DPP6: variants seen among roughly 807,000 people sequenced by gnomAD.
DPP6 encodes the protein A-type potassium channel modulatory protein DPP6.
DPP6 carries 69 observed loss-of-function variants against 122.6 expected under a neutral mutation model. The ratio of observed to expected loss-of-function variants is 0.56; its 90% CI spans 0.46 to 0.69. The LOEUF (loss-of-function observed/expected upper bound fraction) is 0.69. Ranked by LOEUF, DPP6 falls within the 30% of genes least tolerant of loss-of-function variation. The pLI, the probability that DPP6 is intolerant of heterozygous loss-of-function variation, is 0.00. For missense variants in DPP6, 928 were observed against 1,116.9 expected, an observed-to-expected ratio of 0.83 and a Z score of 2.41; for synonymous variants, 418 against 433.1, an observed-to-expected ratio of 0.97 and a Z score of 0.43.
intron 1 of DPP6, among the ~76,000 whole-genome samples, chr7:154,076,398 C>G: frequency 6.6e-6 from 1 of 151,460 alleles, no homozygotes; most frequent in East Asian, 1.9e-4. Flanking sequence ...TGCAGTGAGC[C>G]GAGATTGTGG....
chr7:154,788,745 G>T (rs780298054), intron 10 of DPP6, among the ~76,000 whole-genome samples: 8 of 152,148 alleles, frequency 5.3e-5, no homozygotes, highest in Non-Finnish European at 1.2e-4. Flanking sequence ...CTACACAGAA[G>T]TTTCGTCCTC....
chr7:154,600,424 C>T (rs143071626), intron 5 of DPP6, among the ~76,000 whole-genome samples: 4,221 of 120,602 alleles, frequency 0.035, 1,277 homozygotes, highest in Non-Finnish European at 0.06. Context: ...CCACCATGCC[C>T]GGCCCTTTTA....
At chr7:154,563,473 A>T (rs2130500127) in intron 4 of DPP6, among the ~76,000 whole-genome samples, 1 of 152,358 alleles carries the variant, frequency 6.6e-6, no homozygotes, top group East Asian at 1.9e-4. Context: ...CGCCTGGGAA[A>T]GCAGGTAGAA....
intron 1 of DPP6, among the ~76,000 whole-genome samples, chr7:154,200,700 A>C (rs1373206980): frequency 6.6e-6 from 1 of 152,128 alleles, no homozygotes; most frequent in Non-Finnish European, 1.5e-5. Flanking sequence ...TTTTCTCTTG[A>C]GTTTTCTTTG....
chr7:154,745,948 G>A (rs1354114179), intron 8 of DPP6, among the ~76,000 whole-genome samples: 2 of 152,100 alleles, frequency 1.3e-5, no homozygotes, highest in African/African-American at 2.4e-5. Flanking sequence ...ATTTCAACAC[G>A]AAGTTTGGAG....
At chr7:154,826,959 G>A (rs1001205508) in intron 16 of DPP6, among the ~76,000 whole-genome samples, 2 of 152,166 alleles carry the variant, frequency 1.3e-5, no homozygotes, top group East Asian at 1.9e-4. Flanking sequence ...TTCATAGTTT[G>A]TAGCTGTAAG....
rs185902951 is a variant in DPP6 at position 154,029,547 on chromosome 7, C to A, written c.51+141813C>A. On this transcript the variant is annotated intron_variant, in intron 1 of 25. Transcript: ENST00000404039. ...AAAAAAGAAAGAAATTGCCTTATGT[C>A]AAAAATTAGCAATTTTATGCTGGGC... Among the ~76,000 whole-genome samples, 690 of 146,246 alleles carry A rather than the reference C, an allele frequency of 4.7e-3. 6 individuals carry two copies. The highest frequency in any genetic ancestry group is 0.013 in the Middle Eastern group (3 of 236).
At chr7:153,916,677 G>A (rs551046046) in intron 1 of DPP6, among the ~76,000 whole-genome samples, 177 of 152,118 alleles carry the variant, frequency 1.2e-3, no homozygotes, top group African/African-American at 3.9e-3. Flanking sequence ...AAAGTGCTGG[G>A]ATTACAAGCG....
At chr7:154,632,632 G>T (rs1236108004) in intron 5 of DPP6, among the ~76,000 whole-genome samples, 1 of 152,114 alleles carries the variant, frequency 6.6e-6, no homozygotes, top group East Asian at 1.9e-4. Flanking sequence ...TGATATATTG[G>T]TCTGTAGCTG....
chr7:153,853,370 T>A, the DPP6 span, among the ~76,000 whole-genome samples: 17 of 152,310 alleles, frequency 1.1e-4, 1 homozygote, highest in Admixed American at 9.8e-4. Flanking sequence ...TAAACTGTAT[T>A]TATTTATGTC....
Position 154,660,326 on chromosome 7 carries a change from G to A in DPP6, c.681-9034G>A, listed in dbSNP as rs78036658. Among the ~76,000 whole-genome samples the A allele has an allele frequency of 1.7e-3, 93 of 53,940 alleles. 14 individuals carry two copies. The highest frequency in any genetic ancestry group is 3.0e-3 in the African/African-American group (61 of 20,282). 35.4% of individuals were successfully genotyped at this position (53,940 alleles called of 152,430 possible). On this transcript the variant is annotated intron_variant, in intron 6 of 25. Transcript: ENST00000377770. ...ATGGCGTATTGGCCGTAGTGTTCAC[G>A]CAGTCATGGTGAATCACCATGGCGT... is the stretch of plus-strand genomic sequence containing the variant.
intron 6 of DPP6, among the ~76,000 whole-genome samples, chr7:154,638,724 G>C (rs1471877997): frequency 6.6e-6 from 1 of 152,206 alleles, no homozygotes; most frequent in Non-Finnish European, 1.5e-5. Flanking sequence ...TGTTGAGTCA[G>C]ACACAGATGA....
chr7:154,631,435 T>G (rs1032648783), intron 5 of DPP6, among the ~76,000 whole-genome samples: 4 of 151,908 alleles, frequency 2.6e-5, no homozygotes, highest in Non-Finnish European at 4.4e-5. Context: ...AGGAGTATAT[T>G]GCAGTGGGTT....
intron 3 of DPP6, among the ~76,000 whole-genome samples, chr7:154,488,459 A>C (rs1317916292): frequency 4.6e-5 from 7 of 152,026 alleles, no homozygotes; most frequent in African/African-American, 1.4e-4. Context: ...TCTCAAAAAA[A>C]AAAAGAAAGC....
At chr7:153,806,433 G>T in the DPP6 span, among the ~76,000 whole-genome samples, 1 of 151,316 alleles carries the variant, frequency 6.6e-6, no homozygotes, top group Admixed American at 6.6e-5. Flanking sequence ...GCCTTCTCTG[G>T]GTCAGTCCCT....
At chr7:153,846,251 C>A in the DPP6 span, among the ~76,000 whole-genome samples, 1 of 152,174 alleles carries the variant, frequency 6.6e-6, no homozygotes, top group Admixed American at 6.5e-5. Context: ...GTACTACTGG[C>A]TTTTCAAATT....
intron 1 of DPP6, among the ~76,000 whole-genome samples, chr7:154,313,697 A>ATATATATATATATATATAT (rs1807125364): frequency 3.9e-5 from 1 of 25,342 alleles, no homozygotes; most frequent in Non-Finnish European, 7.0e-5. Context: ...ATATATATAT[A>ATATATATATATATATATAT]TATATATATA....
Position 154,601,518 on chromosome 7 carries a change from T to C in DPP6, c.627+34602T>C, listed in dbSNP as rs1322553487. On this transcript the variant is annotated intron_variant, in intron 5 of 25. Coordinates refer to ENST00000377770, the MANE Select transcript of DPP6 (RefSeq NM_130797.4). ...TGTGTTCTTCAGTCCATTTGTTTGA[T>C]AATAAACCATTGCAGCTTTCTTTTG... is the stretch of plus-strand genomic sequence containing the variant. 4.1e-5 allele frequency among the ~76,000 whole-genome samples: 5 copies of C among 121,186 alleles called. 2 individuals are homozygous for C. Among genetic ancestry groups the C allele is most frequent in the African/African-American group, 1.3e-4 (5 of 38,060 alleles). The allele number at this position is 121,186 out of a possible 152,430, so 79.5% of individuals were successfully genotyped here. A position where few individuals can be genotyped will look rare whatever the true frequency, so the allele number is the denominator to read the frequency against.
upstream of DPP6, among the ~76,000 whole-genome samples, chr7:153,883,828 T>G (rs1394415089): frequency 1.3e-5 from 2 of 152,176 alleles, no homozygotes; most frequent in Non-Finnish European, 2.9e-5. Flanking sequence ...GTGCAGTGTT[T>G]CCTTTTATGC....
Sources: allele counts gnomAD v4.1 joint callset (sites outside exome capture counted in the v4.1 genomes callset), GRCh38; gene constraint gnomAD v4.1.1; transcripts MANE v1.5; gene names NCBI Gene and HGNC (gene_info 2026-07-23, HGNC 2026-07-21).